CTTNBP2NL: variants seen among roughly 807,000 people sequenced by gnomAD.
The protein encoded by CTTNBP2NL is CTTNBP2 N-terminal-like protein.
Under a neutral mutation model 32.5 loss-of-function variants are expected in CTTNBP2NL, and 16 were observed. That is an observed-to-expected ratio of 0.49 (90% CI 0.33 to 0.75). CTTNBP2NL has a LOEUF of 0.75. CTTNBP2NL is among the 30% of genes least tolerant of loss of function. The pLI is 0.02. For synonymous variants in CTTNBP2NL, 298 were observed against 289.4 expected (o/e 1.03, Z -0.30); for missense variants, 645 against 756.0 (o/e 0.85, Z 1.72).
chr1:112,419,528 G>T (rs1028021269), intron 3 of CTTNBP2NL, among the ~76,000 whole-genome samples: 1 of 150,042 alleles, frequency 6.7e-6, no homozygotes. Context: ...AGCAACCTCA[G>T]TTGTATCCAA....
At chr1:112,415,606 G>A (rs1384328194) in intron 2 of CTTNBP2NL, among the ~76,000 whole-genome samples, 1 of 150,364 alleles carries the variant, frequency 6.7e-6, no homozygotes, top group Non-Finnish European at 1.5e-5. Flanking sequence ...GCCCAGGCTG[G>A]AGTACAGTGG....
intron 3 of CTTNBP2NL, among the ~76,000 whole-genome samples, chr1:112,426,738 C>T (rs1649415674): frequency 6.6e-6 from 1 of 151,262 alleles, no homozygotes; most frequent in African/African-American, 2.4e-5. Flanking sequence ...TCCTGAGTAA[C>T]TGGGATTACA....
chr1:112,414,055 A>G (rs1319171249), intron 2 of CTTNBP2NL, among the ~76,000 whole-genome samples: 1 of 150,306 alleles, frequency 6.7e-6, no homozygotes, highest in Non-Finnish European at 1.5e-5. Context: ...TCTCAAAAAA[A>G]TAAATAAATA....
At chr1:112,455,544 TTG>T (rs1650337897) in intron 5 of CTTNBP2NL, among the ~76,000 whole-genome samples, 2 of 152,244 alleles carry the variant, frequency 1.3e-5, no homozygotes, top group East Asian at 3.8e-4. Context: ...TTGTGTGTGT[TTG>T]TTTCTGAGAC....
chr1:112,456,842 G>A lies in CTTNBP2NL; in HGVS notation c.1350G>A (p.Ser450=), dbSNP rs17030336. The A allele has an allele frequency of 2.5e-5, 40 of 1,613,994 alleles. No individual in the cohort carries two copies. Among genetic ancestry groups the A allele is most frequent in the Middle Eastern group, 1.6e-4 (1 of 6,062 alleles). Residue 450 remains serine (S), a synonymous_variant, in exon 6 of 6, where the codon TCG becomes TCA. Transcript: ENST00000271277. ...SSASSPGYQS[S]YQVGINQRFH... ...CTAGCAGCCCTGGCTACCAGTCATC[G>A]TACCAAGTAGGGATCAACCAACGGT...
At chr1:112,395,797 A>AT (rs1157127462), upstream of CTTNBP2NL, among the ~76,000 whole-genome samples, 9 of 152,196 alleles carry the variant, frequency 5.9e-5, no homozygotes, top group African/African-American at 2.2e-4. Context: ...TGCAGACACC[A>AT]AAGCCCACTT....
intron 1 of CTTNBP2NL, among the ~76,000 whole-genome samples, chr1:112,404,244 G>C (rs935750330): frequency 6.6e-6 from 1 of 152,182 alleles, no homozygotes; most frequent in Non-Finnish European, 1.5e-5. Flanking sequence ...TGCCAGGCTT[G>C]TTGTTGGAAA....
In CTTNBP2NL at chr1:112,460,094, T is replaced by C. The variant is rs1291027893; in HGVS notation, c.*2682T>C. On this transcript the variant is annotated 3_prime_UTR_variant, in exon 6 of 6. Coordinates refer to ENST00000271277, the MANE Select transcript of CTTNBP2NL (RefSeq NM_018704.3). ...TAGTATTAACCCATGTTGCAAAAGC[T>C]GTTACTGGCCAACAGATTGTAATGA... The C allele has an allele frequency of 6.6e-6, 1 of 152,218 alleles. No homozygotes were observed. Among genetic ancestry groups the C allele is most frequent in the Non-Finnish European group, 1.5e-5 (1 of 68,046 alleles). The allele number at this position is 152,218 out of a possible 1,614,324, so 9.4% of individuals were successfully genotyped here.
chr1:112,420,220 A>G, intron 3 of CTTNBP2NL, among the ~76,000 whole-genome samples: 1 of 149,436 alleles, frequency 6.7e-6, no homozygotes, highest in South Asian at 2.1e-4. Flanking sequence ...GTTTCAGCTC[A>G]CTGCAGCCTC....
intron 3 of CTTNBP2NL, among the ~76,000 whole-genome samples, chr1:112,420,501 C>A (rs1157901261): frequency 6.6e-6 from 1 of 152,008 alleles, no homozygotes; most frequent in Non-Finnish European, 1.5e-5. Context: ...GAGTCTTACT[C>A]TGTCGCCTAG....
At position 112,422,935 on chromosome 1, in the gene CTTNBP2NL, G is replaced by A. The variant is rs1189717019; in HGVS notation, c.99+6671G>A. 2.0e-5 allele frequency among the ~76,000 whole-genome samples: 3 copies of A among 152,100 alleles called. No homozygotes were observed. The East Asian group carries it at 5.8e-4, about 29-fold the overall frequency. ...AGCCTCCCCAGTAGCTGGAACTACA[G>A]GCACACACCACCATGCCTGGCTAAT... On this transcript the variant is annotated intron_variant, in intron 3 of 5. Transcript: ENST00000271277.
At chr1:112,406,892 T>C (rs1305841410) in intron 1 of CTTNBP2NL, among the ~76,000 whole-genome samples, 1 of 152,172 alleles carries the variant, frequency 6.6e-6, no homozygotes, top group Non-Finnish European at 1.5e-5. Context: ...AATACTAGCT[T>C]AATTATAGAG....
intron 2 of CTTNBP2NL, among the ~76,000 whole-genome samples, chr1:112,414,132 G>C (rs1227753436): frequency 6.6e-6 from 1 of 150,816 alleles, no homozygotes; most frequent in Non-Finnish European, 1.5e-5. Context: ...TTGGGAGACT[G>C]AGGTGGGCGG....
chr1:112,395,020 T>C (rs112267852), upstream of CTTNBP2NL, among the ~76,000 whole-genome samples: 996 of 152,332 alleles, frequency 6.5e-3, 8 homozygotes, highest in African/African-American at 0.023. Flanking sequence ...TTTCAGACTA[T>C]AATCGCACAA....
At chr1:112,441,826 C>A (rs906033940) in intron 3 of CTTNBP2NL, among the ~76,000 whole-genome samples, 1 of 152,132 alleles carries the variant, frequency 6.6e-6, no homozygotes, top group African/African-American at 2.4e-5. Context: ...ATGCTTTTCC[C>A]TATTGCAGTT....
rs372669607 is a variant in CTTNBP2NL at position 112,415,421 on chromosome 1, T to A, written c.-9-736T>A. On this transcript the variant is annotated intron_variant, in intron 2 of 5. Coordinates refer to ENST00000271277, the MANE Select transcript of CTTNBP2NL (RefSeq NM_018704.3). ...CCAATTGAAGAGGGATATCAGAATGTTTTATATACAGTTTTGGAAATTGGT... is the reference window on the plus strand; with the variant it reads ...CCAATTGAAGAGGGATATCAGAATGATTTATATACAGTTTTGGAAATTGGT... Among the ~76,000 whole-genome samples the A allele has an allele frequency of 6.6e-5, 10 of 152,298 alleles. No homozygotes were observed. The East Asian group carries it at 1.9e-3, about 29-fold the overall frequency.
At chr1:112,401,603 C>G (rs897210834) in intron 1 of CTTNBP2NL, among the ~76,000 whole-genome samples, 2 of 152,060 alleles carry the variant, frequency 1.3e-5, no homozygotes, top group African/African-American at 4.8e-5. Context: ...AGACAGCCTC[C>G]CCCACTGTCC....
At chr1:112,405,109 G>A (rs1557883879) in intron 1 of CTTNBP2NL, among the ~76,000 whole-genome samples, 2 of 152,104 alleles carry the variant, frequency 1.3e-5, no homozygotes, top group South Asian at 4.1e-4. Flanking sequence ...CAGTTTCCTG[G>A]TAATAATATT....
rs1389875902 is a variant in CTTNBP2NL, at chr1:112,457,012, A to G, written c.1520A>G (p.Gln507Arg). 16 of 1,613,988 alleles carry G rather than the reference A, an allele frequency of 9.9e-6. No homozygotes were observed. Among genetic ancestry groups the G allele is most frequent in the Non-Finnish European group, 1.4e-5 (16 of 1,180,046 alleles). Residue 507 changes from glutamine to arginine, a missense_variant, in exon 6 of 6, where the codon CAG becomes CGG. By Grantham distance (43) the Gln-to-Arg change is conservative (BLOSUM62 1). Transcript: ENST00000271277. ...AKQLARNTVT[Q>R]VLSRFTSQQG... Reference sequence around the variant, plus strand: ...CAGCTGGCCCGAAACACAGTCACTCAGGTGCTCTCCAGATTCACTAGCCAA... The same window carrying G: ...CAGCTGGCCCGAAACACAGTCACTCGGGTGCTCTCCAGATTCACTAGCCAA...
Sources: gnomAD v4.1 joint callset for allele counts (sites outside exome capture counted in the v4.1 genomes callset) on GRCh38, gnomAD v4.1.1 for gene constraint, MANE v1.5 for transcripts, NCBI Gene and HGNC (gene_info 2026-07-23, HGNC 2026-07-21) for gene names.